SEMA4D: variants seen among roughly 807,000 people sequenced by gnomAD.
SEMA4D encodes semaphorin-4D.
A neutral mutation model predicts 74.8 loss-of-function variants in SEMA4D; 22 were observed. The ratio of observed to expected loss-of-function variants is 0.29; its 90% CI spans 0.21 to 0.42. The LOEUF is 0.42. SEMA4D is among the 10% of genes least tolerant of loss of function. The pLI, the probability that SEMA4D is intolerant of heterozygous loss-of-function variation, is 1.00. For missense variants in SEMA4D, 937 were observed against 1,118.4 expected (o/e 0.84, Z 2.31); for synonymous variants, 445 against 463.7 (o/e 0.96, Z 0.52).
intron 2 of SEMA4D, among the ~76,000 whole-genome samples, chr9:89,413,136 G>A (rs1018185321): frequency 3.9e-5 from 6 of 152,222 alleles, no homozygotes; most frequent in African/African-American, 1.2e-4. Context: ...GCTGCCCTTT[G>A]CATTCAGAAA....
chr9:89,450,236 G>T (rs1854023989), intron 2 of SEMA4D: 1 of 1,217,980 alleles, frequency 8.2e-7, no homozygotes, highest in Non-Finnish European at 1.2e-6. Context: ...TATATGCTGT[G>T]GATGTTCTCA....
At chr9:89,362,331 G>A (rs1218526691) in exon 19 of SEMA4D, 2 of 1,613,762 alleles carry the variant, frequency 1.2e-6, no homozygotes, top group Non-Finnish European at 1.7e-6. Context: ...CCTTCTCCGG[G>A]GGTGGCTGTG....
chr9:89,393,391 G>A (rs186811932), intron 7 of SEMA4D, among the ~76,000 whole-genome samples, 171 bp downstream of exon 7: 75 of 152,364 alleles, frequency 4.9e-4, no homozygotes, highest in Middle Eastern at 3.4e-3. Flanking sequence ...TGCAAACAAT[G>A]AATTCAAAAG....
intron 2 of SEMA4D, among the ~76,000 whole-genome samples, chr9:89,419,104 C>A (rs147262899): frequency 2.6e-5 from 4 of 152,024 alleles, no homozygotes; most frequent in Non-Finnish European, 4.4e-5. Context: ...CCGGTCCCCC[C>A]ACCCCTCGGG....
intron 16 of SEMA4D, among the ~76,000 whole-genome samples, chr9:89,371,746 C>CTG (rs1376929426): frequency 1.7e-3 from 35 of 20,746 alleles, no homozygotes; most frequent in South Asian, 7.5e-3. Context: ...TGGTGTGTGT[C>CTG]GGGTGTGGTG....
chr9:89,404,326 G>C (rs1402024346), intron 3 of SEMA4D, among the ~76,000 whole-genome samples: 1 of 152,198 alleles, frequency 6.6e-6, no homozygotes. Context: ...CTAGGTACGA[G>C]GGAGGGAAGC....
intron 1 of SEMA4D, among the ~76,000 whole-genome samples, chr9:89,465,453 G>A (rs1388325731): frequency 2.1e-5 from 3 of 146,224 alleles, no homozygotes; most frequent in Non-Finnish European, 4.7e-5. Context: ...AAAAGACATG[G>A]AGTTGGCTGG....
At chr9:89,405,072 TCCTGTCCCCAGCCA>T (rs1843039953) in intron 3 of SEMA4D, among the ~76,000 whole-genome samples, 4 of 143,290 alleles carry the variant, frequency 2.8e-5, no homozygotes, top group East Asian at 2.2e-4. Context: ...GGAGTCCCCA[TCCTGTCCCCAGCCA>T]CCCGCCTCAG....
chr9:89,388,315 C>T (rs1465704684), intron 11 of SEMA4D, among the ~76,000 whole-genome samples: 3 of 152,260 alleles, frequency 2.0e-5, no homozygotes, highest in South Asian at 4.1e-4. Flanking sequence ...GACTAGTGGA[C>T]AGTGCAGAGG....
At chr9:89,408,254 C>T (rs900912707) in intron 2 of SEMA4D, among the ~76,000 whole-genome samples, 1 of 152,232 alleles carries the variant, frequency 6.6e-6, no homozygotes, top group Non-Finnish European at 1.5e-5. Context: ...CTGGAACAAA[C>T]AAGTCCTGGC....
chr9:89,364,680 T>C (rs1317851149), intron 16 of SEMA4D: 1 of 154,500 alleles, frequency 6.5e-6, no homozygotes, highest in East Asian at 1.9e-4. Flanking sequence ...TTGAAGAAAG[T>C]AGAGAGGCCA....
intron 12 of SEMA4D, 61 bp from the exon 13 acceptor site, chr9:89,386,543 AC>A: frequency 9.1e-7 from 1 of 1,102,662 alleles, no homozygotes; most frequent in Non-Finnish European, 1.4e-6. Context: ...AAGGACAGTG[AC>A]CACAGCGGCA....
At chr9:89,474,274 A>G (rs1260621606) in intron 1 of SEMA4D, among the ~76,000 whole-genome samples, 3 of 152,226 alleles carry the variant, frequency 2.0e-5, no homozygotes, top group Non-Finnish European at 4.4e-5. Flanking sequence ...AGCCCTGTGC[A>G]TCGCAAGCAT....
intron 2 of SEMA4D, chr9:89,406,036 G>T: frequency 1.5e-6 from 1 of 681,540 alleles, no homozygotes; most frequent in Non-Finnish European, 1.8e-6. Flanking sequence ...GCTGTGTCCA[G>T]CTGGTAATGA....
At chr9:89,472,867 G>A (rs1860742531) in intron 1 of SEMA4D, among the ~76,000 whole-genome samples, 1 of 152,324 alleles carries the variant, frequency 6.6e-6, no homozygotes, top group East Asian at 1.9e-4. Context: ...GCTGAGGTGA[G>A]AGGAGTGCTT....
chr9:89,416,134 A>G (rs1845653331), intron 2 of SEMA4D, among the ~76,000 whole-genome samples: 2 of 152,238 alleles, frequency 1.3e-5, no homozygotes, highest in African/African-American at 4.8e-5. Flanking sequence ...GCTGAAATTT[A>G]AAAGTCTGCT....
chr9:89,379,169 G>A lies in SEMA4D; in HGVS notation c.2124C>T (p.Cys708=), dbSNP rs373743895. The A allele has an allele frequency of 1.2e-5, 20 of 1,614,024 alleles. No individual in the cohort carries two copies. Among genetic ancestry groups the A allele is most frequent in the Middle Eastern group, 1.6e-4 (1 of 6,082 alleles). Residue 708 remains cysteine, a synonymous_variant, in exon 16 of 16, where the codon TGC becomes TGT. Coordinates refer to ENST00000422704, the MANE Select transcript of SEMA4D (RefSeq NM_001371194.2). Reference sequence around the variant, plus strand: ...CCGTGTTGATGACGATCTTTGGTTCGCAGGATGTGCCGGTGGGCGCAGGCT... The same window carrying A: ...CCGTGTTGATGACGATCTTTGGTTCACAGGATGTGCCGGTGGGCGCAGGCT... ...PPKPAPTGTS[C]EPKIVINTVP... is the part of the protein sequence containing the mutation.
At position 89,393,517 on chromosome 9, in the gene SEMA4D, C is replaced by T. The variant is rs370373104; in HGVS notation, c.508+45G>A. 3 of 1,444,336 alleles carry T rather than the reference C, an allele frequency of 2.1e-6. No homozygotes were observed. The African/African-American group carries it at 4.2e-5, about 20-fold the overall frequency. The allele number at this position is 1,444,336 out of a possible 1,614,324, so 89.5% of individuals were successfully genotyped here. A position where few individuals can be genotyped will look rare whatever the true frequency, so the allele number is the denominator to read the frequency against. On this transcript the variant is annotated intron_variant, in intron 7 of 15. Coordinates refer to ENST00000422704, the MANE Select transcript of SEMA4D (RefSeq NM_001371194.2). Reference sequence around the variant, plus strand: ...AATATCCTGTTTGGTAATTAACATGCCACTGTAATCTTCACGGTGAAGGAA... The same window carrying T: ...AATATCCTGTTTGGTAATTAACATGTCACTGTAATCTTCACGGTGAAGGAA...
Position 89,379,433 on chromosome 9 carries a change from C to T in SEMA4D, c.1860G>A (p.Gly620=). The T allele has an allele frequency of 6.2e-7, 1 of 1,614,146 alleles. No homozygotes were observed. Among genetic ancestry groups the T allele is most frequent in the Non-Finnish European group, 8.5e-7 (1 of 1,180,020 alleles). ...TCTCCTCTGACAGGCACTGGTACAC[C>T]CCACTGTCTCCTTCTGACAAGTTGA... The part of the protein sequence containing the change: ...LIFNLSEGDS[G]VYQCLSEERV... The change falls in exon 16 of 16, where the codon GGG becomes GGA. Residue 620 remains glycine (G), a synonymous_variant. Coordinates refer to ENST00000422704, the MANE Select transcript of SEMA4D (RefSeq NM_001371194.2).
Sources: gnomAD v4.1 joint callset for allele counts (sites outside exome capture counted in the v4.1 genomes callset) on GRCh38, gnomAD v4.1.1 for gene constraint, MANE v1.5 for transcripts, NCBI Gene and HGNC (gene_info 2026-07-23, HGNC 2026-07-21) for gene names.